The following B4GALT4 variants were observed in gnomAD, a reference collection of about 807,000 sequenced individuals.
B4GALT4 encodes the protein N-acetyllactosamine synthase.
B4GALT4 carries 27 observed loss-of-function variants against 37.3 expected under a neutral mutation model. The ratio of observed to expected loss-of-function variants is 0.72; its 90% CI spans 0.53 to 1.00. The LOEUF is 1.00. Ranked by LOEUF, B4GALT4 falls within the 50% of genes least tolerant of loss-of-function variation. The probability of loss-of-function intolerance (pLI) is 0.00; values close to 1 mark genes in which losing one functional copy is unlikely to be tolerated. For missense variants in B4GALT4, 372 were observed against 413.1 expected, an observed-to-expected ratio of 0.90 and a Z score of 0.86; for synonymous variants, 148 against 154.1, an observed-to-expected ratio of 0.96 and a Z score of 0.29.
chr3:119,223,972 T>A, intron 5 of B4GALT4, 86 bp downstream of exon 5: 1 of 1,361,258 alleles, frequency 7.3e-7, no homozygotes, highest in Non-Finnish European at 9.8e-7. Context: ...CATTTTCTTA[T>A]GACACTCTGG....
chr3:119,224,425 C>A (rs1218398465), intron 4 of B4GALT4, among the ~76,000 whole-genome samples, 180 bp from the exon 5 acceptor site: 11 of 152,166 alleles, frequency 7.2e-5, no homozygotes, highest in Admixed American at 4.6e-4. Context: ...TGATTTTTTT[C>A]TTCGTGCTTC....
chr3:119,213,604 C>G (rs1321163135), intron 7 of B4GALT4: 1 of 152,084 alleles, frequency 6.6e-6, no homozygotes, highest in Non-Finnish European at 1.5e-5. Context: ...ATACTTATCA[C>G]AAAAATTCAG....
chr3:119,238,611 C>T (rs1281213572), intron 1 of B4GALT4, among the ~76,000 whole-genome samples: 2 of 152,014 alleles, frequency 1.3e-5, no homozygotes, highest in South Asian at 2.1e-4. Context: ...TGTAACTGTT[C>T]TATTATTAGA....
Position 119,212,100 on chromosome 3 carries a change from A to T in B4GALT4, c.*449T>A, listed in dbSNP as rs2078176431. 2.8e-6 allele frequency: 2 copies of T among 702,206 alleles called. No homozygotes were observed. The highest frequency in any genetic ancestry group is 5.2e-6 in the Non-Finnish European group (2 of 384,702). The allele number at this position is 702,206 out of a possible 1,614,324, so 43.5% of individuals were successfully genotyped here. On this transcript the variant is annotated 3_prime_UTR_variant, in exon 8 of 8. Coordinates refer to ENST00000393765, the MANE Select transcript of B4GALT4 (RefSeq NM_003778.4). ...ACACCACCACTTCACAGATGATTGT[A>T]CAGGATAAATGAATAACAGTATTGT... is the stretch of plus-strand genomic sequence containing the variant.
At chr3:119,237,964 T>A (rs1288443053) in intron 1 of B4GALT4, among the ~76,000 whole-genome samples, 2 of 152,088 alleles carry the variant, frequency 1.3e-5, no homozygotes, top group Admixed American at 1.3e-4. Flanking sequence ...AAAAAAGATA[T>A]AACAATGTAT....
chr3:119,229,093 C>T (rs941095412), intron 3 of B4GALT4, among the ~76,000 whole-genome samples: 10 of 152,006 alleles, frequency 6.6e-5, no homozygotes, highest in African/African-American at 2.4e-4. Context: ...CATTGAAAAA[C>T]TTACCTAGTC....
intron 4 of B4GALT4, among the ~76,000 whole-genome samples, chr3:119,225,386 CTCTT>C (rs2078579363): frequency 6.6e-6 from 1 of 151,816 alleles, no homozygotes. Context: ...ACATATTTTT[CTCTT>C]TCTCTTTTTC....
chr3:119,223,002 G>T (rs760615870), intron 5 of B4GALT4, among the ~76,000 whole-genome samples: 1 of 152,200 alleles, frequency 6.6e-6, no homozygotes, highest in Non-Finnish European at 1.5e-5. Context: ...CAGAACAAAT[G>T]AGGTATCAAG....
chr3:119,226,799 C>G lies in B4GALT4; in HGVS notation c.486+10G>C. 6.2e-7 allele frequency: 1 copy of G among 1,610,144 alleles called. No homozygotes were observed. The highest frequency in any genetic ancestry group is 8.5e-7 in the Non-Finnish European group (1 of 1,178,092). ...GTCGAGGGCAGGCCCTGGTCTGCCC[C>G]CACGCTCACCTGGTGGATGACGTAG... is the stretch of plus-strand genomic sequence containing the variant. On this transcript the variant is annotated intron_variant, in intron 4 of 7. Coordinates refer to ENST00000393765, the MANE Select transcript of B4GALT4 (RefSeq NM_003778.4).
chr3:119,229,856 G>T lies in B4GALT4; in HGVS notation c.244C>A (p.Pro82Thr). 6.2e-7 allele frequency: 1 copy of T among 1,614,086 alleles called. No individual in the cohort carries two copies. The change falls in exon 3 of 8, where the codon CCT becomes ACT. Residue 82 changes from proline to threonine, a missense_variant. Pro to Thr is a conservative substitution (Grantham distance 38). Transcript: ENST00000393765. ...VELDNCPSVSPYLRGQSKLIF... is the reference protein window; with the variant it reads ...VELDNCPSVSTYLRGQSKLIF... The stretch of plus-strand genomic sequence containing the variant: ...AAAAAGCAACACTTACTGAGGTAAG[G>T]AGACACAGAAGGGCAGTTGTCAAGT...
chr3:119,229,896 G>A lies in B4GALT4; in HGVS notation c.204C>T (p.Ser68=), dbSNP rs935415667. ...GKGKTLTNEA[S]TKKVELDNCP... Reference sequence around the variant, plus strand: ...AGTTGTCAAGTTCTACCTTCTTCGTGGATGCTTCATTAGTCAGAGTTTTTC... The same window carrying A: ...AGTTGTCAAGTTCTACCTTCTTCGTAGATGCTTCATTAGTCAGAGTTTTTC... Residue 68 remains serine, a synonymous_variant, in exon 3 of 8, where the codon TCC becomes TCT. Transcript: ENST00000393765. 2 of 1,614,010 alleles carry A rather than the reference G, an allele frequency of 1.2e-6. No homozygotes were observed. Among genetic ancestry groups the A allele is most frequent in the African/African-American group, 2.7e-5 (2 of 74,896 alleles).
In B4GALT4 at chr3:119,218,790, A is replaced by G; in HGVS notation, c.675-18T>C. 6.2e-7 allele frequency: 1 copy of G among 1,613,844 alleles called. No homozygotes were observed. The highest frequency in any genetic ancestry group is 8.5e-7 in the Non-Finnish European group (1 of 1,179,946). On this transcript the variant is annotated intron_variant, in intron 5 of 7. Coordinates refer to ENST00000393765, the MANE Select transcript of B4GALT4 (RefSeq NM_003778.4). The stretch of plus-strand genomic sequence containing the variant: ...AACGTAACCTGGAGCAAAAGAGATG[A>G]GAGAAATGGTAAGAATATTCGCACC...
chr3:119,230,071 G>C lies in B4GALT4; in HGVS notation c.29C>G (p.Ser10Cys). The C allele has an allele frequency of 6.2e-7, 1 of 1,614,184 alleles. No individual in the cohort carries two copies. The highest frequency in any genetic ancestry group is 1.1e-5 in the South Asian group (1 of 91,074). Residue 10 changes from serine to cysteine, a missense_variant, in exon 3 of 8, where the codon TCC (serine) becomes TGC (cysteine). Coordinates refer to ENST00000393765, the MANE Select transcript of B4GALT4 (RefSeq NM_003778.4). The part of the protein sequence containing the change: MGFNLTFHL[S>C]YKFRLLLLLT... ...CAGCAACAGTAATCGGAATTTGTAGGAAAGGTGGAAAGTCAGGTTGAAGCC... is the reference window on the plus strand; with the variant it reads ...CAGCAACAGTAATCGGAATTTGTAGCAAAGGTGGAAAGTCAGGTTGAAGCC...
At chr3:119,232,747 T>C (rs2078861724) in intron 2 of B4GALT4, among the ~76,000 whole-genome samples, 1 of 152,188 alleles carries the variant, frequency 6.6e-6, no homozygotes, top group Non-Finnish European at 1.5e-5. Context: ...ATTGGCAATT[T>C]TTAAAATAAG....
At chr3:119,212,806 A>G (rs2078196120) in intron 7 of B4GALT4, 125 bp from the exon 8 acceptor site, 1 of 966,868 alleles carries the variant, frequency 1.0e-6, no homozygotes, top group African/African-American at 1.7e-5. Context: ...GTTTCCTACC[A>G]TTACAAAGTT....
Position 119,218,738 on chromosome 3 carries a change from C to A in B4GALT4, c.709G>T (p.Ala237Ser), listed in dbSNP as rs1009155983. The A allele has an allele frequency of 1.9e-6, 3 of 1,614,002 alleles. No homozygotes were observed. The highest frequency in any genetic ancestry group is 2.7e-5 in the African/African-American group (2 of 74,930). The change falls in exon 6 of 8, where the codon GCC (alanine) becomes TCC (serine). Residue 237 changes from alanine (A) to serine (S), a missense_variant. Coordinates refer to ENST00000393765, the MANE Select transcript of B4GALT4 (RefSeq NM_003778.4). ...RYSGYFGGVT[A>S]LSREQFFKVN... is the part of the protein sequence containing the mutation. ...TTGAAAAACTGCTCTCTGCTTAGGGCAGTAACACCCCCAAAATATCCACTG... is the reference window on the plus strand; with the variant it reads ...TTGAAAAACTGCTCTCTGCTTAGGGAAGTAACACCCCCAAAATATCCACTG...
At chr3:119,238,072 G>C (rs1208094623) in intron 1 of B4GALT4, among the ~76,000 whole-genome samples, 1 of 152,068 alleles carries the variant, frequency 6.6e-6, no homozygotes, top group African/African-American at 2.4e-5. Context: ...TTCAAGACCA[G>C]TTTGGCCAAC....
rs977206621 is a variant in B4GALT4, at chr3:119,223,977, C to T, written c.674+81G>A. 14 of 1,377,784 alleles carry T rather than the reference C, an allele frequency of 1.0e-5. No individual in the cohort carries two copies. The African/African-American group carries it at 1.0e-4, about 10-fold the overall frequency. The allele number at this position is 1,377,784 out of a possible 1,614,324, so 85.3% of individuals were successfully genotyped here. On this transcript the variant is annotated intron_variant, in intron 5 of 7. Transcript: ENST00000393765. ...TTCTATTTCTCATTTTCTTATGACA[C>T]TCTGGATGCTTGTTCCACCCAGTCT... is the stretch of plus-strand genomic sequence containing the variant.
intron 2 of B4GALT4, among the ~76,000 whole-genome samples, chr3:119,234,798 C>A (rs1277086570): frequency 1.3e-5 from 2 of 152,172 alleles, no homozygotes; most frequent in African/African-American, 4.8e-5. Context: ...GTATTGAGAA[C>A]AAATTCAGGC....
Sources: allele counts gnomAD v4.1 joint callset (sites outside exome capture counted in the v4.1 genomes callset), GRCh38; gene constraint gnomAD v4.1.1; transcripts MANE v1.5; gene names NCBI Gene and HGNC (gene_info 2026-07-23, HGNC 2026-07-21).